RSRC1: variants seen among roughly 807,000 people sequenced by gnomAD.
The protein encoded by RSRC1 is serine/Arginine-related protein 53.
In RSRC1, 39 loss-of-function variants were observed where a neutral mutation model predicts 49.1. The observed-to-expected ratio is 0.79, with a 90% CI of 0.61 to 1.04. The LOEUF (loss-of-function observed/expected upper bound fraction) is 1.04, where lower values mean the gene tolerates loss of function less well. Ranked by LOEUF, RSRC1 falls within the 50% of genes least tolerant of loss-of-function variation. The pLI, the probability that RSRC1 is intolerant of heterozygous loss-of-function variation, is 0.00. For missense variants in RSRC1, 388 were observed against 402.4 expected (o/e 0.96, Z 0.31); for synonymous variants, 143 against 130.8 (o/e 1.09, Z -0.63).
chr3:158,296,873 G>C (rs1291183146), intron 4 of RSRC1, among the ~76,000 whole-genome samples: 1 of 152,056 alleles, frequency 6.6e-6, no homozygotes, highest in East Asian at 1.9e-4. Context: ...AGACTGGGCA[G>C]TGAGAGCAAA....
At chr3:158,307,131 GGTTT>G (rs1486753382) in intron 5 of RSRC1, among the ~76,000 whole-genome samples, 2 of 151,332 alleles carry the variant, frequency 1.3e-5, no homozygotes, top group Non-Finnish European at 1.5e-5. Context: ...ATAGGTAACA[GGTTT>G]GTTTGTTTTT....
chr3:158,445,492 C>T (rs534672499), intron 6 of RSRC1, among the ~76,000 whole-genome samples: 16 of 151,248 alleles, frequency 1.1e-4, no homozygotes, highest in South Asian at 2.1e-4. Context: ...CCTCACACAC[C>T]GGGGCATGTC....
At chr3:158,400,327 A>T (rs984391153) in intron 6 of RSRC1, among the ~76,000 whole-genome samples, 1 of 152,188 alleles carries the variant, frequency 6.6e-6, no homozygotes, top group Non-Finnish European at 1.5e-5. Flanking sequence ...TATAGACAGT[A>T]CATAATACTT....
intron 4 of RSRC1, among the ~76,000 whole-genome samples, chr3:158,253,012 TTTC>T (rs1724310094): frequency 6.6e-6 from 1 of 150,642 alleles, no homozygotes; most frequent in Non-Finnish European, 1.5e-5. Context: ...CTTAATTTTC[TTTC>T]TTTTCAGAAA....
chr3:158,158,799 C>T (rs1718034287), intron 3 of RSRC1, among the ~76,000 whole-genome samples: 1 of 151,944 alleles, frequency 6.6e-6, no homozygotes, highest in South Asian at 2.1e-4. Flanking sequence ...AATTGCCAGG[C>T]CTGGTGGCCT....
chr3:158,413,711 A>G (rs1002681925), intron 6 of RSRC1, among the ~76,000 whole-genome samples: 4 of 152,180 alleles, frequency 2.6e-5, no homozygotes, highest in African/African-American at 7.2e-5. Context: ...GAAGACATTT[A>G]TGTGGCCAAA....
chr3:158,285,211 C>T (rs1263166273), intron 4 of RSRC1, among the ~76,000 whole-genome samples: 53 of 152,060 alleles, frequency 3.5e-4, no homozygotes, highest in Non-Finnish European at 5.4e-4. Flanking sequence ...TGTAGTTATT[C>T]GGCGTTATTT....
chr3:158,132,756 A>G (rs916149185), intron 3 of RSRC1, among the ~76,000 whole-genome samples: 1 of 152,174 alleles, frequency 6.6e-6, no homozygotes, highest in African/African-American at 2.4e-5. Flanking sequence ...GTATTGCACT[A>G]TTAAATTTTA....
At chr3:158,196,717 T>C (rs1321909060) in intron 3 of RSRC1, among the ~76,000 whole-genome samples, 2 of 152,192 alleles carry the variant, frequency 1.3e-5, no homozygotes, top group Non-Finnish European at 2.9e-5. Flanking sequence ...TGAAGCGTTG[T>C]TGAATTTTGT....
chr3:158,114,813 G>A (rs1426300166), intron 1 of RSRC1, among the ~76,000 whole-genome samples: 2 of 152,084 alleles, frequency 1.3e-5, no homozygotes, highest in African/African-American at 4.8e-5. Flanking sequence ...TCTGTTGTTA[G>A]TGTATAGGAA....
At chr3:158,476,758 G>T (rs754201671) in intron 7 of RSRC1, among the ~76,000 whole-genome samples, 2 of 152,118 alleles carry the variant, frequency 1.3e-5, no homozygotes, top group African/African-American at 2.4e-5. Flanking sequence ...CTGGATAAAA[G>T]AACTAATTTC....
chr3:158,536,439 C>A (rs998449444), intron 7 of RSRC1, among the ~76,000 whole-genome samples: 1 of 151,218 alleles, frequency 6.6e-6, no homozygotes, highest in African/African-American at 2.4e-5. Context: ...AATGTGTGGA[C>A]CTTGTTTGGT....
intron 7 of RSRC1, among the ~76,000 whole-genome samples, chr3:158,479,394 A>T (rs1482345341): frequency 6.6e-6 from 1 of 151,778 alleles, no homozygotes; most frequent in Non-Finnish European, 1.5e-5. Flanking sequence ...GAATTTGCGA[A>T]CCACTGCCCT....
chr3:158,488,941 A>G (rs1035128643), intron 7 of RSRC1, among the ~76,000 whole-genome samples: 30 of 152,214 alleles, frequency 2.0e-4, no homozygotes, highest in Non-Finnish European at 4.0e-4. Context: ...AAATGCTCTC[A>G]GGTTTATTAC....
intron 4 of RSRC1, among the ~76,000 whole-genome samples, chr3:158,260,761 C>T (rs1383678165): frequency 1.3e-5 from 2 of 152,172 alleles, no homozygotes; most frequent in Admixed American, 1.3e-4. Context: ...GACAGTTCAC[C>T]TCTCACTATG....
chr3:158,213,839 A>G (rs867651626), intron 4 of RSRC1, among the ~76,000 whole-genome samples: 1 of 151,928 alleles, frequency 6.6e-6, no homozygotes, highest in East Asian at 1.9e-4. Context: ...TGTGAAATTC[A>G]TAACTACTTA....
At chr3:158,111,629 TA>T (rs1239014926) in intron 1 of RSRC1, among the ~76,000 whole-genome samples, 1 of 152,226 alleles carries the variant, frequency 6.6e-6, no homozygotes, top group Non-Finnish European at 1.5e-5. Flanking sequence ...ATGGATTTCT[TA>T]ATATGTTAGT....
intron 5 of RSRC1, among the ~76,000 whole-genome samples, chr3:158,341,760 G>C (rs1199273880): frequency 6.6e-6 from 1 of 152,158 alleles, no homozygotes; most frequent in Non-Finnish European, 1.5e-5. Context: ...TTGACAGCTT[G>C]AACCGTGTGC....
chr3:158,472,910 C>T (rs7613528), intron 7 of RSRC1, among the ~76,000 whole-genome samples: 32,783 of 152,104 alleles, frequency 0.22, 3,772 homozygotes, highest in Middle Eastern at 0.28. Flanking sequence ...GACATGAAGT[C>T]CTTGCCCATG....
Sources: gnomAD v4.1 joint callset for allele counts (sites outside exome capture counted in the v4.1 genomes callset) on GRCh38, gnomAD v4.1.1 for gene constraint, MANE v1.5 for transcripts, NCBI Gene and HGNC (gene_info 2026-07-23, HGNC 2026-07-21) for gene names.